STXBP5L: variants seen among roughly 807,000 people sequenced by gnomAD.
The protein encoded by STXBP5L is syntaxin binding protein 5L.
A neutral mutation model predicts 144.5 loss-of-function variants in STXBP5L; 65 were observed. That is an observed-to-expected ratio of 0.45 (90% CI 0.37 to 0.55). STXBP5L has a LOEUF of 0.55. STXBP5L is among the 20% of genes least tolerant of loss of function. The pLI, the probability that STXBP5L is intolerant of heterozygous loss-of-function variation, is 0.00. For synonymous variants in STXBP5L, 505 were observed against 469.6 expected (o/e 1.08, Z -0.97); for missense variants, 1,298 against 1,405.5 (o/e 0.92, Z 1.22).
chr3:121,026,312 A>G (rs968891298), intron 3 of STXBP5L, among the ~76,000 whole-genome samples: 1 of 151,930 alleles, frequency 6.6e-6, no homozygotes, highest in Non-Finnish European at 1.5e-5. Context: ...TAAATCTTTT[A>G]TATTCATGCC....
intron 3 of STXBP5L, among the ~76,000 whole-genome samples, chr3:120,958,278 C>T (rs1427553778): frequency 1.3e-5 from 2 of 152,058 alleles, no homozygotes; most frequent in Non-Finnish European, 1.5e-5. Flanking sequence ...AGCTTACCAA[C>T]CAAAAAAAGT....
At chr3:121,092,045 T>A (rs2042832280) in intron 5 of STXBP5L, among the ~76,000 whole-genome samples, 4 of 152,202 alleles carry the variant, frequency 2.6e-5, no homozygotes, top group Admixed American at 6.5e-5. Context: ...ACTTTCCCCA[T>A]TGCTTGTTTT....
chr3:121,249,463 T>G (rs1479924772), intron 14 of STXBP5L, among the ~76,000 whole-genome samples: 1 of 152,202 alleles, frequency 6.6e-6, no homozygotes, highest in African/African-American at 2.4e-5. Context: ...TTGGCACTGT[T>G]GTAAGTGGTA....
intron 1 of STXBP5L, among the ~76,000 whole-genome samples, chr3:120,908,625 G>A (rs1201906861): frequency 4.6e-5 from 7 of 151,572 alleles, no homozygotes; most frequent in African/African-American, 1.7e-4. Context: ...CGCTGGGCCT[G>A]GGGGAGGGAC....
chr3:121,198,430 G>T (rs970437769), intron 9 of STXBP5L, among the ~76,000 whole-genome samples: 3 of 151,838 alleles, frequency 2.0e-5, no homozygotes, highest in Non-Finnish European at 2.9e-5. Context: ...CCATTCTGTT[G>T]GTTGCCTGTT....
At chr3:121,365,934 G>C (rs912976875) in intron 20 of STXBP5L, among the ~76,000 whole-genome samples, 1 of 151,230 alleles carries the variant, frequency 6.6e-6, no homozygotes, top group African/African-American at 2.4e-5. Context: ...TGCTTTCACT[G>C]TATCTTATAT....
chr3:121,035,489 C>T (rs1946685754), intron 3 of STXBP5L, among the ~76,000 whole-genome samples: 3 of 151,962 alleles, frequency 2.0e-5, no homozygotes, highest in Admixed American at 2.0e-4. Flanking sequence ...TGTATGTTTT[C>T]ATTGACTTTA....
At chr3:121,003,651 G>A (rs1418669714) in intron 3 of STXBP5L, among the ~76,000 whole-genome samples, 2 of 152,196 alleles carry the variant, frequency 1.3e-5, no homozygotes, top group African/African-American at 4.8e-5. Context: ...GAATGGTATT[G>A]CCTAGGTTTT....
chr3:121,403,036 T>C (rs1196908171), intron 22 of STXBP5L, among the ~76,000 whole-genome samples: 3 of 152,132 alleles, frequency 2.0e-5, no homozygotes, highest in Admixed American at 1.3e-4. Flanking sequence ...CTCCAAAACT[T>C]GCTTTTCTGT....
intron 5 of STXBP5L, among the ~76,000 whole-genome samples, chr3:121,094,300 G>A (rs972641452): frequency 6.6e-6 from 1 of 152,210 alleles, no homozygotes; most frequent in African/African-American, 2.4e-5. Context: ...GCTTGGTGCA[G>A]AGCTGAGTCC....
chr3:120,988,524 G>A (rs951162917), intron 3 of STXBP5L, among the ~76,000 whole-genome samples: 1 of 151,732 alleles, frequency 6.6e-6, no homozygotes, highest in African/African-American at 2.4e-5. Context: ...TATTGCCTAG[G>A]GTATGGTTTG....
chr3:121,407,323 G>A lies in STXBP5L; in HGVS notation c.2668G>A (p.Glu890Lys), dbSNP rs535120629. Reference sequence around the variant, plus strand: ...GGGTGGATTAATGCAACCGCCATATGAAGTTTGGAGGGATCCAAACAACAT... The same window carrying A: ...GGGTGGATTAATGCAACCGCCATATAAAGTTTGGAGGGATCCAAACAACAT... ...RMGGLMQPPY[E>K]VWRDPNNIDE... The change falls in exon 23 of 27, where the codon GAA becomes AAA. Residue 890 changes from glutamate to lysine, a missense_variant. Glu to Lys is a moderately conservative substitution (Grantham distance 56, BLOSUM62 1). Transcript: ENST00000471454. The A allele has an allele frequency of 1.2e-6, 2 of 1,612,544 alleles. No individual in the cohort carries two copies. The highest frequency in any genetic ancestry group is 2.2e-5 in the East Asian group (1 of 44,830).
intron 18 of STXBP5L, among the ~76,000 whole-genome samples, chr3:121,268,152 C>A (rs2050632310): frequency 6.6e-6 from 1 of 152,162 alleles, no homozygotes; most frequent in African/African-American, 2.4e-5. Context: ...AGACTTGTAA[C>A]CAACCGAAAT....
chr3:121,005,906 G>T (rs949659424), intron 3 of STXBP5L, among the ~76,000 whole-genome samples: 13 of 152,100 alleles, frequency 8.5e-5, no homozygotes, highest in Admixed American at 2.0e-4. Flanking sequence ...ATTGCACTGT[G>T]GTCTGAGAGA....
chr3:121,120,782 A>T (rs2044423530), intron 6 of STXBP5L, among the ~76,000 whole-genome samples: 1 of 151,220 alleles, frequency 6.6e-6, no homozygotes. Flanking sequence ...ATGTGTGCTT[A>T]AGAAAGAAAC....
At chr3:120,967,936 C>A (rs1054985609) in intron 3 of STXBP5L, among the ~76,000 whole-genome samples, 2 of 152,090 alleles carry the variant, frequency 1.3e-5, no homozygotes, top group African/African-American at 2.4e-5. Context: ...TGGTTTACTT[C>A]TAATTTTATC....
intron 2 of STXBP5L, among the ~76,000 whole-genome samples, chr3:120,915,668 A>G (rs1440960256): frequency 3.9e-5 from 6 of 152,146 alleles, no homozygotes; most frequent in Non-Finnish European, 1.5e-5. Flanking sequence ...TGCACAATAT[A>G]CTAGCGTTTT....
At chr3:121,056,651 A>G (rs976249919) in intron 5 of STXBP5L, among the ~76,000 whole-genome samples, 7 of 152,148 alleles carry the variant, frequency 4.6e-5, no homozygotes, top group African/African-American at 1.7e-4. Context: ...TGACATTCAA[A>G]AGGTACAACA....
At chr3:120,982,814 C>T (rs1470437612) in intron 3 of STXBP5L, among the ~76,000 whole-genome samples, 1 of 152,208 alleles carries the variant, frequency 6.6e-6, no homozygotes, top group Admixed American at 6.5e-5. Flanking sequence ...CTGGGCTAGG[C>T]AGTCCCCCAA....
Sources: allele counts gnomAD v4.1 joint callset (sites outside exome capture counted in the v4.1 genomes callset), GRCh38; gene constraint gnomAD v4.1.1; transcripts MANE v1.5; gene names NCBI Gene and HGNC (gene_info 2026-07-23, HGNC 2026-07-21).